Variants in PPP3CA observed in about 807,000 individuals in gnomAD.
PPP3CA encodes the protein CAM-PRP catalytic subunit.
Under a neutral mutation model 66.5 loss-of-function variants are expected in PPP3CA, and 14 were observed. The observed-to-expected ratio is 0.21, with a 90% CI of 0.14 to 0.33. PPP3CA has a LOEUF of 0.33. Among genes scored for constraint, PPP3CA ranks in the 10% least tolerant of loss-of-function variants. PPP3CA has a pLI of 1.00. For missense variants in PPP3CA, 317 were observed against 639.5 expected (o/e 0.50, Z 5.44); for synonymous variants, 232 against 226.2 (o/e 1.03, Z -0.23).
At chr4:101,131,830 T>C (rs552979642) in intron 2 of PPP3CA, among the ~76,000 whole-genome samples, 1 of 152,272 alleles carries the variant, frequency 6.6e-6, no homozygotes, top group Non-Finnish European at 1.5e-5. Flanking sequence ...ACACTTATTC[T>C]AAAACTGACC....
chr4:101,038,203 A>C (rs1727338175), intron 11 of PPP3CA, among the ~76,000 whole-genome samples: 1 of 152,082 alleles, frequency 6.6e-6, no homozygotes, highest in Admixed American at 6.6e-5. Flanking sequence ...CACTTCCAGG[A>C]ATGCCTTCAC....
At chr4:101,296,429 C>T (rs1260327030) in intron 1 of PPP3CA, among the ~76,000 whole-genome samples, 3 of 152,088 alleles carry the variant, frequency 2.0e-5, no homozygotes, top group East Asian at 1.9e-4. Flanking sequence ...CATTTTACTG[C>T]TCCTTAACAG....
intron 1 of PPP3CA, chr4:101,330,383 A>T (rs764272972): frequency 5.7e-6 from 3 of 527,320 alleles, no homozygotes; most frequent in East Asian, 1.1e-4. Context: ...TTCTTTGCTC[A>T]TCCTTGAGAA....
intron 1 of PPP3CA, among the ~76,000 whole-genome samples, chr4:101,290,352 G>T (rs1469853328): frequency 6.6e-6 from 1 of 152,112 alleles, no homozygotes; most frequent in Admixed American, 6.5e-5. Flanking sequence ...AACTGAGGTG[G>T]AATTGCCATC....
chr4:101,236,216 G>C (rs1309089725), intron 1 of PPP3CA, among the ~76,000 whole-genome samples: 1 of 151,924 alleles, frequency 6.6e-6, no homozygotes, highest in East Asian at 1.9e-4. Flanking sequence ...ACTTTAAATA[G>C]TACGATAATA....
intron 2 of PPP3CA, among the ~76,000 whole-genome samples, chr4:101,128,853 T>A (rs1362206010): frequency 1.3e-5 from 2 of 150,850 alleles, no homozygotes; most frequent in African/African-American, 4.9e-5. Context: ...GCTGCAGGAG[T>A]TTTTTTTCAT....
At chr4:101,132,011 A>G (rs1722458767) in intron 2 of PPP3CA, among the ~76,000 whole-genome samples, 1 of 152,202 alleles carries the variant, frequency 6.6e-6, no homozygotes, top group South Asian at 2.1e-4. Context: ...CCACTGGGTA[A>G]ATAACCAAAT....
At chr4:101,028,014 G>A (rs1726749426) in intron 13 of PPP3CA, among the ~76,000 whole-genome samples, 1 of 152,130 alleles carries the variant, frequency 6.6e-6, no homozygotes, top group Non-Finnish European at 1.5e-5. Context: ...GAGGAATAGA[G>A]AATTCCCACA....
At chr4:101,027,234 C>G (rs1383870638) in intron 13 of PPP3CA, among the ~76,000 whole-genome samples, 1 of 150,824 alleles carries the variant, frequency 6.6e-6, no homozygotes, top group South Asian at 2.1e-4. Context: ...TTCATGGTAC[C>G]TTTATCCTCC....
chr4:101,228,801 T>C (rs1267690971), intron 1 of PPP3CA, among the ~76,000 whole-genome samples: 2 of 151,730 alleles, frequency 1.3e-5, no homozygotes, highest in East Asian at 2.0e-4. Flanking sequence ...CAATGGCAAA[T>C]AAATGACTGT....
rs946631572 is a variant in PPP3CA, at chr4:101,178,697, C to T, written c.259+17219G>A. Among the ~76,000 whole-genome samples the T allele has an allele frequency of 3.3e-5, 5 of 152,032 alleles. 1 individual carries two copies. Among genetic ancestry groups the T allele is most frequent in the African/African-American group, 9.7e-5 (4 of 41,398 alleles). On this transcript the variant is annotated intron_variant, in intron 2 of 13. Coordinates refer to ENST00000394854, the MANE Select transcript of PPP3CA (RefSeq NM_000944.5). ...ATCCTCAAAAAGGCCATGTCTATTC[C>T]CATCATAATTTTACCACTGGTCCCT...
intron 1 of PPP3CA, among the ~76,000 whole-genome samples, chr4:101,252,961 T>C (rs746924138): frequency 1.6e-4 from 25 of 152,318 alleles, no homozygotes; most frequent in Admixed American, 4.6e-4. Context: ...TGCTAAGGCA[T>C]GTGCTTCCCA....
intron 6 of PPP3CA, among the ~76,000 whole-genome samples, chr4:101,090,194 T>A (rs573003446): frequency 6.6e-6 from 1 of 152,172 alleles, no homozygotes; most frequent in Non-Finnish European, 1.5e-5. Context: ...CAAAAAGCTG[T>A]AGGAGAATGA....
At chr4:101,170,545 T>C (rs551300896) in intron 2 of PPP3CA, among the ~76,000 whole-genome samples, 13 of 151,724 alleles carry the variant, frequency 8.6e-5, no homozygotes, top group Non-Finnish European at 1.9e-4. Flanking sequence ...AAGAATATCA[T>C]GGAAGTAGGG....
chr4:101,173,114 A>G (rs2110317017), intron 2 of PPP3CA, among the ~76,000 whole-genome samples: 1 of 152,324 alleles, frequency 6.6e-6, no homozygotes, highest in East Asian at 1.9e-4. Flanking sequence ...CAGTGTAATA[A>G]TAACACAGCC....
chr4:101,185,043 T>C (rs1724367481), intron 2 of PPP3CA, among the ~76,000 whole-genome samples: 1 of 152,090 alleles, frequency 6.6e-6, no homozygotes, highest in Non-Finnish European at 1.5e-5. Flanking sequence ...TAAATGGTAG[T>C]CAAATGCCAT....
intron 1 of PPP3CA, among the ~76,000 whole-genome samples, chr4:101,206,737 T>C (rs1248750542): frequency 6.6e-6 from 1 of 152,210 alleles, no homozygotes; most frequent in Non-Finnish European, 1.5e-5. Context: ...AGGATTGTCT[T>C]TTCCCCATCT....
intron 1 of PPP3CA, among the ~76,000 whole-genome samples, chr4:101,246,010 G>A (rs998350802): frequency 2.0e-5 from 3 of 150,106 alleles, no homozygotes; most frequent in African/African-American, 7.4e-5. Flanking sequence ...CTGCCTCCTC[G>A]TTTCTACACA....
At chr4:101,078,658 T>C (rs1260567761) in intron 8 of PPP3CA, among the ~76,000 whole-genome samples, 2 of 152,228 alleles carry the variant, frequency 1.3e-5, no homozygotes, top group Non-Finnish European at 2.9e-5. Context: ...GGGTCCTTTA[T>C]GATCATTTGT....
Sources: gnomAD v4.1 joint callset for allele counts (sites outside exome capture counted in the v4.1 genomes callset) on GRCh38, gnomAD v4.1.1 for gene constraint, MANE v1.5 for transcripts, NCBI Gene and HGNC (gene_info 2026-07-23, HGNC 2026-07-21) for gene names.